Variants in LINGO2 observed in about 807,000 individuals in gnomAD.
LINGO2 encodes the protein leucine-rich repeat and immunoglobulin-like domain-containing nogo receptor-interacting protein 2.
A neutral mutation model predicts 30.6 loss-of-function variants in LINGO2; 14 were observed. That is an observed-to-expected ratio of 0.46 (90% CI 0.30 to 0.72). The LOEUF (loss-of-function observed/expected upper bound fraction) is 0.72. Among genes scored for constraint, LINGO2 ranks in the 30% least tolerant of loss-of-function variants. The pLI is 0.07. For synonymous variants in LINGO2, 317 were observed against 288.5 expected (o/e 1.10, Z -1.00); for missense variants, 729 against 751.7 (o/e 0.97, Z 0.35).
chr9:28,117,200 G>T (rs916171471), intron 4 of LINGO2, among the ~76,000 whole-genome samples: 2 of 151,992 alleles, frequency 1.3e-5, no homozygotes, highest in Non-Finnish European at 2.9e-5. Context: ...CCTGGTGGGG[G>T]GTGCCTCCCA....
At chr9:28,412,818 T>C (rs1388463028) in intron 2 of LINGO2, among the ~76,000 whole-genome samples, 1 of 152,052 alleles carries the variant, frequency 6.6e-6, no homozygotes, top group East Asian at 1.9e-4. Flanking sequence ...CACTTTACCC[T>C]TGAGCAATAT....
At chr9:28,069,175 G>A (rs1318927793) in intron 4 of LINGO2, among the ~76,000 whole-genome samples, 1 of 152,114 alleles carries the variant, frequency 6.6e-6, no homozygotes, top group Non-Finnish European at 1.5e-5. Context: ...AGTTTGGAGG[G>A]CAGGTGAAAT....
chr9:28,735,259 C>G, the LINGO2 span, among the ~76,000 whole-genome samples: 5 of 152,092 alleles, frequency 3.3e-5, no homozygotes, highest in African/African-American at 1.2e-4. Context: ...GCACACTTCT[C>G]TAGAGCTCAA....
chr9:28,159,798 T>G (rs1828235849), intron 4 of LINGO2, among the ~76,000 whole-genome samples: 1 of 152,236 alleles, frequency 6.6e-6, no homozygotes. Context: ...CGATAAACAT[T>G]ATTTCAAATA....
chr9:28,998,470 C>T, the LINGO2 span, among the ~76,000 whole-genome samples: 1 of 151,908 alleles, frequency 6.6e-6, no homozygotes, highest in Non-Finnish European at 1.5e-5. Flanking sequence ...TGGAATGCAA[C>T]CTTTTTCCCC....
intron 4 of LINGO2, among the ~76,000 whole-genome samples, chr9:28,013,690 C>G (rs1347368103): frequency 6.6e-6 from 1 of 152,086 alleles, no homozygotes; most frequent in Non-Finnish European, 1.5e-5. Context: ...ATGGTTGGTT[C>G]CTGGCTTGCT....
the LINGO2 span, among the ~76,000 whole-genome samples, chr9:29,210,237 A>G: frequency 6.6e-6 from 1 of 152,188 alleles, no homozygotes; most frequent in East Asian, 1.9e-4. Flanking sequence ...ATGGAGTCCT[A>G]AAACTGACTC....
Position 28,201,177 on chromosome 9 carries a change from C to T in LINGO2, c.-87+94031G>A, listed in dbSNP as rs1820219094. ...GTGCCATGCTGGTGCGCTGCACCCA[C>T]TAACTCGTCATCTAGCATTAGGTAT... On this transcript the variant is annotated intron_variant, in intron 4 of 5. Transcript: ENST00000379992. Among the ~76,000 whole-genome samples, 4 of 149,928 alleles carry T rather than the reference C, an allele frequency of 2.7e-5. No individual in the cohort carries two copies. In the South Asian group the frequency reaches 8.5e-4, roughly 32 times the overall value.
intron 4 of LINGO2, among the ~76,000 whole-genome samples, chr9:28,170,650 G>A (rs1242146023): frequency 6.6e-6 from 1 of 152,262 alleles, no homozygotes; most frequent in Non-Finnish European, 1.5e-5. Flanking sequence ...TGTAAAATGG[G>A]TCTCAGGGCT....
In LINGO2 at chr9:28,489,566, C is replaced by A. The variant is rs569969919; in HGVS notation, c.-364-13541G>T. Among the ~76,000 whole-genome samples the A allele has an allele frequency of 7.9e-5, 12 of 152,168 alleles. No individual in the cohort carries two copies. The East Asian group carries it at 2.3e-3, about 29-fold the overall frequency. On this transcript the variant is annotated intron_variant, in intron 1 of 5. Transcript: ENST00000379992. ...TGTCTGTTCTTGTATTTTGCTGTGA[C>A]TTTCTAAGTCCGTTAGCCACCTGCT...
the LINGO2 span, among the ~76,000 whole-genome samples, chr9:28,743,776 T>C: frequency 1.6e-4 from 24 of 151,908 alleles, no homozygotes; most frequent in East Asian, 3.9e-4. Context: ...ATTTTGACTA[T>C]AATGTATCTG....
In LINGO2 at chr9:28,614,999, A is replaced by C. The variant is rs76258300; in HGVS notation, c.-365+55201T>G. Among the ~76,000 whole-genome samples the C allele has an allele frequency of 8.8e-3, 1,337 of 152,286 alleles. 30 individuals are homozygous for C. Among genetic ancestry groups the C allele is most frequent in the East Asian group, 0.062 (319 of 5,186 alleles). The stretch of plus-strand genomic sequence containing the variant: ...TTTAATATTGAATAAATATAACTTT[A>C]AGTTATAGTCATCAAAACTATACAT... On this transcript the variant is annotated intron_variant, in intron 1 of 5. Transcript: ENST00000379992.
chr9:28,596,784 A>T (rs780161654), intron 1 of LINGO2, among the ~76,000 whole-genome samples: 19 of 152,196 alleles, frequency 1.2e-4, no homozygotes, highest in Non-Finnish European at 2.5e-4. Flanking sequence ...ACAGTCTGAT[A>T]GTATAGTTCA....
the LINGO2 span, among the ~76,000 whole-genome samples, chr9:29,114,515 T>C: frequency 7.3e-5 from 11 of 150,788 alleles, no homozygotes; most frequent in Admixed American, 7.3e-4. Flanking sequence ...AACTCGTCAT[T>C]TACATTAGGT....
At chr9:28,869,284 A>G in the LINGO2 span, among the ~76,000 whole-genome samples, 61 of 152,070 alleles carry the variant, frequency 4.0e-4, no homozygotes, top group Non-Finnish European at 7.5e-4. Context: ...TTTCCAGTAC[A>G]GCCATAACTG....
chr9:28,213,832 C>T (rs1188283226), intron 4 of LINGO2, among the ~76,000 whole-genome samples: 7 of 151,456 alleles, frequency 4.6e-5, no homozygotes, highest in Non-Finnish European at 7.4e-5. Flanking sequence ...ACACTCCACA[C>T]AGTATGGTGA....
chr9:29,066,051 T>C, the LINGO2 span, among the ~76,000 whole-genome samples: 1 of 151,822 alleles, frequency 6.6e-6, no homozygotes, highest in Non-Finnish European at 1.5e-5. Flanking sequence ...TCCCCCAGAA[T>C]CTATCCAGTA....
At chr9:28,862,490 C>T in the LINGO2 span, among the ~76,000 whole-genome samples, 17 of 152,148 alleles carry the variant, frequency 1.1e-4, no homozygotes, top group African/African-American at 4.1e-4. Flanking sequence ...TTTCTTTTAT[C>T]TAACAGAAGG....
At chr9:28,581,776 C>G (rs1824270300) in intron 1 of LINGO2, among the ~76,000 whole-genome samples, 1 of 151,756 alleles carries the variant, frequency 6.6e-6, no homozygotes, top group Non-Finnish European at 1.5e-5. Context: ...TTTCCTTCTT[C>G]TGAATATTAA....
Sources: allele counts gnomAD v4.1 joint callset (sites outside exome capture counted in the v4.1 genomes callset), GRCh38; gene constraint gnomAD v4.1.1; transcripts MANE v1.5; gene names NCBI Gene and HGNC (gene_info 2026-07-23, HGNC 2026-07-21).